The following ECE1 variants were observed in gnomAD, a reference collection of about 807,000 sequenced individuals.
The protein encoded by ECE1 is endothelin-converting enzyme 1.
A neutral mutation model predicts 98.6 loss-of-function variants in ECE1; 35 were observed. The ratio of observed to expected loss-of-function variants is 0.35; its 90% CI spans 0.27 to 0.47. The LOEUF (loss-of-function observed/expected upper bound fraction) is 0.47, where lower values mean the gene tolerates loss of function less well. Among genes scored for constraint, ECE1 ranks in the 20% least tolerant of loss-of-function variants. The pLI, the probability that ECE1 is intolerant of heterozygous loss-of-function variation, is 1.00. For missense variants in ECE1, 814 were observed against 1,025.3 expected (o/e 0.79, Z 2.81); for synonymous variants, 394 against 407.1 (o/e 0.97, Z 0.39).
At chr1:21,277,256 C>G (rs2098248507) in intron 3 of ECE1, among the ~76,000 whole-genome samples, 1 of 152,248 alleles carries the variant, frequency 6.6e-6, no homozygotes, top group Non-Finnish European at 1.5e-5. Flanking sequence ...AGCAGGATTC[C>G]TCCCAAGGGG....
chr1:21,340,474 A>C lies in ECE1; in HGVS notation c.3+4902T>G, dbSNP rs1214693124. Among the ~76,000 whole-genome samples, 1 of 152,104 alleles carries C rather than the reference A, an allele frequency of 6.6e-6. No homozygotes were observed. The highest frequency in any genetic ancestry group is 1.5e-5 in the Non-Finnish European group (1 of 68,000). ...CCCAGCCTTCGGCCTCACTCCTTCT[A>C]CTCAATCACCACAAAGCAGCCTGTG... On this transcript the variant is annotated intron_variant, in intron 1 of 18. Transcript: ENST00000415912. The surrounding 1 kb of genome is among the most constrained non-coding windows in gnomAD (Gnocchi z 4.6).
At chr1:21,318,407 C>G (rs1193218970) in intron 1 of ECE1, among the ~76,000 whole-genome samples, 1 of 152,018 alleles carries the variant, frequency 6.6e-6, no homozygotes, top group South Asian at 2.1e-4. Flanking sequence ...CATCCCTGCC[C>G]TTTCCTGACC....
At chr1:21,291,027 G>A (rs903770364), upstream of ECE1, among the ~76,000 whole-genome samples, 1 of 152,082 alleles carries the variant, frequency 6.6e-6, no homozygotes, top group Non-Finnish European at 1.5e-5. Context: ...CAAAGGTGTC[G>A]CCCTCCCTGC....
chr1:21,324,888 T>C (rs1188411848), intron 1 of ECE1, among the ~76,000 whole-genome samples: 5 of 152,176 alleles, frequency 3.3e-5, no homozygotes, highest in African/African-American at 9.7e-5. Context: ...CTCTGGACTT[T>C]CCTGAACGAG....
intron 1 of ECE1, among the ~76,000 whole-genome samples, chr1:21,318,846 G>A (rs1638895943): frequency 6.7e-6 from 1 of 149,600 alleles, no homozygotes; most frequent in African/African-American, 2.4e-5. Flanking sequence ...CCCAGAGGCC[G>A]CACTTCTGTC....
upstream of ECE1, chr1:21,290,629 G>C (rs1221084516): frequency 3.8e-6 from 4 of 1,057,288 alleles, no homozygotes; most frequent in Non-Finnish European, 4.8e-6. The surrounding 1 kb of genome is among the most constrained non-coding windows in gnomAD (Gnocchi z 7.3). Flanking sequence ...CCCCCAAACT[G>C]AAGCCCCTAG....
At chr1:21,236,318 C>T (rs1170667684) in intron 12 of ECE1, among the ~76,000 whole-genome samples, 8 of 152,274 alleles carry the variant, frequency 5.3e-5, no homozygotes, top group Non-Finnish European at 1.2e-4. Flanking sequence ...ACCGCTCACC[C>T]GCTGAAGGCG....
rs2098163876 is a variant in ECE1, at chr1:21,218,774, A to G, written c.*1181T>C. ...GCTAATTTTTGTAATTTTTTTTAGT[A>G]GAGATGGGGTTTCACCACGTTGGCC... On this transcript the variant is annotated 3_prime_UTR_variant, in exon 19 of 19. Coordinates refer to ENST00000374893, the MANE Select transcript of ECE1 (RefSeq NM_001397.3). This position sits in a 1 kb window ranked among gnomAD's most constrained non-coding sequence, Gnocchi z 4.0. 1 of 152,094 alleles carries G rather than the reference A, an allele frequency of 6.6e-6. No homozygotes were observed. Among genetic ancestry groups the G allele is most frequent in the African/African-American group, 2.4e-5 (1 of 41,384 alleles). The allele number at this position is 152,094 out of a possible 1,614,324, so 9.4% of individuals were successfully genotyped here.
chr1:21,250,706 C>G (rs962790067), intron 8 of ECE1, among the ~76,000 whole-genome samples: 2 of 152,130 alleles, frequency 1.3e-5, no homozygotes, highest in Non-Finnish European at 2.9e-5. Context: ...AGCCATAAAC[C>G]CCCGCTTAAC....
chr1:21,236,513 G>T (rs1193235662), intron 12 of ECE1, among the ~76,000 whole-genome samples: 1 of 152,242 alleles, frequency 6.6e-6, no homozygotes, highest in South Asian at 2.1e-4. Context: ...ACCGAGCGTG[G>T]TGGCGCACGC....
chr1:21,261,095 C>T (rs886313312), intron 4 of ECE1, among the ~76,000 whole-genome samples: 4 of 152,178 alleles, frequency 2.6e-5, no homozygotes, highest in Non-Finnish European at 5.9e-5. Flanking sequence ...TGAAGATGAC[C>T]GCTTCCTGCC....
chr1:21,298,778 A>C (rs1357564294), intron 1 of ECE1: 2 of 456,266 alleles, frequency 4.4e-6, no homozygotes, highest in South Asian at 3.1e-5. Context: ...ATCAGATAAG[A>C]CGGCAATCAC....
At chr1:21,342,150 G>A (rs1051618733) in intron 1 of ECE1, among the ~76,000 whole-genome samples, 1 of 152,152 alleles carries the variant, frequency 6.6e-6, no homozygotes. Flanking sequence ...GTATAGTAAA[G>A]AGCATTCCCA....
chr1:21,316,010 A>C (rs1638824185), intron 1 of ECE1, among the ~76,000 whole-genome samples: 1 of 152,146 alleles, frequency 6.6e-6, no homozygotes, highest in Non-Finnish European at 1.5e-5. Context: ...ACCCCTCCTC[A>C]CAGTGACTGA....
intron 1 of ECE1, among the ~76,000 whole-genome samples, chr1:21,315,001 T>C (rs1017028957): frequency 7.9e-5 from 12 of 152,232 alleles, no homozygotes; most frequent in African/African-American, 2.9e-4. Flanking sequence ...CCCATCTGTA[T>C]GTATCTGTAG....
chr1:21,298,613 G>A (rs982323797), intron 1 of ECE1: 8 of 396,398 alleles, frequency 2.0e-5, no homozygotes, highest in East Asian at 7.2e-5. Context: ...GAGAAGACCC[G>A]TGGTGTGCCA....
chr1:21,317,351 G>T (rs937291156), intron 1 of ECE1, among the ~76,000 whole-genome samples: 1 of 152,168 alleles, frequency 6.6e-6, no homozygotes, highest in Non-Finnish European at 1.5e-5. Context: ...CCTGGCATCC[G>T]GTGGCTGCCA....
intron 1 of ECE1, among the ~76,000 whole-genome samples, chr1:21,336,218 A>G (rs979709060): frequency 1.3e-5 from 2 of 152,144 alleles, no homozygotes; most frequent in Non-Finnish European, 2.9e-5. Context: ...TGTCTCTACA[A>G]AAAAATATCA....
chr1:21,227,309 C>A, intron 15 of ECE1, 83 bp from the exon 16 acceptor site: 2 of 1,393,574 alleles, frequency 1.4e-6, no homozygotes, highest in East Asian at 2.3e-5. Flanking sequence ...CCCTCACTTC[C>A]TGGGCTTAGA....
Sources: allele counts gnomAD v4.1 joint callset (sites outside exome capture counted in the v4.1 genomes callset), GRCh38; gene constraint gnomAD v4.1.1; non-coding constraint Gnocchi (gnomAD v3.1); transcripts MANE v1.5; gene names NCBI Gene and HGNC (gene_info 2026-07-23, HGNC 2026-07-21).